The following KIF5C variants were observed in gnomAD, a reference collection of about 807,000 sequenced individuals.
KIF5C encodes the protein kinesin heavy chain isoform 5C.
A neutral mutation model predicts 125.2 loss-of-function variants in KIF5C; 18 were observed. That is an observed-to-expected ratio of 0.14 (90% CI 0.10 to 0.21). The LOEUF is 0.21. Ranked by LOEUF, KIF5C falls within the 10% of genes least tolerant of loss-of-function variation. KIF5C has a pLI of 1.00. For missense variants in KIF5C, 780 were observed against 1,183.8 expected (o/e 0.66, Z 5.01); for synonymous variants, 405 against 434.0 (o/e 0.93, Z 0.83).
At chr2:149,006,255 A>G (rs1682003781) in intron 22 of KIF5C, among the ~76,000 whole-genome samples, 2 of 152,166 alleles carry the variant, frequency 1.3e-5, no homozygotes, top group Admixed American at 1.3e-4. Flanking sequence ...GCCAAGGGAA[A>G]GAGGTCAAAT....
chr2:148,944,559 G>T (rs2105106505), intron 7 of KIF5C, among the ~76,000 whole-genome samples: 1 of 152,268 alleles, frequency 6.6e-6, no homozygotes, highest in South Asian at 2.1e-4. Flanking sequence ...CGCTTGGGTG[G>T]CTTCCACATT....
At position 148,990,994 on chromosome 2, in the gene KIF5C, C is replaced by T; in HGVS notation, c.1717-16C>T. 1 of 1,608,970 alleles carries T rather than the reference C, an allele frequency of 6.2e-7. No individual in the cohort carries two copies. Among genetic ancestry groups the T allele is most frequent in the Non-Finnish European group, 8.5e-7 (1 of 1,176,844 alleles). On this transcript the variant is annotated splice_polypyrimidine_tract_variant and intron_variant, in intron 15 of 25. Transcript: ENST00000435030. ...AATTGTGGGCAACATTTGAGTGTGTCCCCTTCTTTGCTCAGTTGGCAGATG... is the reference window on the plus strand; with the variant it reads ...AATTGTGGGCAACATTTGAGTGTGTTCCCTTCTTTGCTCAGTTGGCAGATG...
At position 148,962,067 on chromosome 2, in the gene KIF5C, T is replaced by C; in HGVS notation, c.1065T>C (p.Thr355=). 1.9e-6 allele frequency: 3 copies of C among 1,613,518 alleles called. No homozygotes were observed. Among genetic ancestry groups the C allele is most frequent in the Non-Finnish European group, 2.5e-6 (3 of 1,179,724 alleles). The part of the protein sequence containing the change: ...KYEKEKEKNK[T]LKNVIQHLEM... ...AAAAAGAGAAAGAGAAAAACAAGAC[T>C]TTGAAGAATGTTATCCAGCATCTGG... Residue 355 remains threonine (T), a synonymous_variant, in exon 11 of 26, where the codon ACT becomes ACC. Coordinates refer to ENST00000435030, the MANE Select transcript of KIF5C (RefSeq NM_004522.3).
At chr2:148,978,334 GTTTTTTTTTTTTT>G (rs71406035) in intron 12 of KIF5C, among the ~76,000 whole-genome samples, 69 of 78,664 alleles carry the variant, frequency 8.8e-4, no homozygotes, top group African/African-American at 2.5e-3. Flanking sequence ...CTGCCCTGAG[GTTTTTTTTTTTTT>G]TTTTTTTTTT....
chr2:148,932,675 G>A (rs1025612365), intron 3 of KIF5C, among the ~76,000 whole-genome samples: 10 of 152,212 alleles, frequency 6.6e-5, no homozygotes, highest in African/African-American at 2.4e-4. Flanking sequence ...ATAGATGGAT[G>A]GAGACACCTT....
At chr2:148,952,049 A>G (rs1033978042) in intron 10 of KIF5C, among the ~76,000 whole-genome samples, 1 of 152,158 alleles carries the variant, frequency 6.6e-6, no homozygotes, top group Non-Finnish European at 1.5e-5. Context: ...CTTCCTCCCA[A>G]ATCGCTTCCT....
chr2:149,009,211 T>C (rs1574835038), intron 23 of KIF5C, among the ~76,000 whole-genome samples: 1 of 152,014 alleles, frequency 6.6e-6, no homozygotes, highest in African/African-American at 2.4e-5. Context: ...AGGCTGGTCT[T>C]GAACCACTGA....
At chr2:148,983,516 T>C (rs2105161939) in intron 14 of KIF5C, 104 bp from the exon 15 acceptor site, 5 of 1,378,214 alleles carry the variant, frequency 3.6e-6, no homozygotes, top group Non-Finnish European at 3.8e-6. Context: ...GTTGAAGTCA[T>C]GTAAAAGAAA....
intron 1 of KIF5C, among the ~76,000 whole-genome samples, chr2:148,920,778 G>A (rs1333615710): frequency 6.6e-6 from 1 of 152,204 alleles, no homozygotes; most frequent in Admixed American, 6.5e-5. Context: ...GATGTAACAA[G>A]CCTTGCTCTT....
rs374547075 is a variant in KIF5C at position 148,962,341 on chromosome 2, AT to A, written c.1117+239del. ...CCACCACACCTGGCTAATTTTTGTA[AT>A]TTTTTTTTTTTTTTTTAGTAGAGAT... On this transcript the variant is annotated intron_variant, in intron 11 of 25. Coordinates refer to ENST00000435030, the MANE Select transcript of KIF5C (RefSeq NM_004522.3). Among the ~76,000 whole-genome samples the A allele has an allele frequency of 4.5e-3, 606 of 135,548 alleles. No homozygotes were observed. Among genetic ancestry groups the A allele is most frequent in the Middle Eastern group, 7.5e-3 (2 of 268 alleles). 88.9% of individuals were successfully genotyped at this position (135,548 alleles called of 152,430 possible).
At chr2:148,948,058 T>C (rs1295820558) in intron 8 of KIF5C, 3 of 455,754 alleles carry the variant, frequency 6.6e-6, no homozygotes, top group Non-Finnish European at 1.3e-5. Context: ...AAAATTTTAC[T>C]AGTATGGGGC....
chr2:149,025,702 T>C lies in KIF5C; in HGVS notation c.*2632T>C, dbSNP rs958498799. The C allele has an allele frequency of 6.6e-6, 1 of 152,262 alleles. No homozygotes were observed. The highest frequency in any genetic ancestry group is 6.5e-5 in the Admixed American group (1 of 15,284). 9.4% of individuals were successfully genotyped at this position (152,262 alleles called of 1,614,324 possible). A position where few individuals can be genotyped will look rare whatever the true frequency, so the allele number is the denominator to read the frequency against. Reference sequence around the variant, plus strand: ...AGAACAGCCAGATGGTTTATATGAATAATCTTTATCTGCAGGATGGTGGAT... The same window carrying C: ...AGAACAGCCAGATGGTTTATATGAACAATCTTTATCTGCAGGATGGTGGAT... On this transcript the variant is annotated 3_prime_UTR_variant, in exon 26 of 26. Coordinates refer to ENST00000435030, the MANE Select transcript of KIF5C (RefSeq NM_004522.3).
chr2:148,969,266 G>T (rs1680833081), intron 11 of KIF5C, among the ~76,000 whole-genome samples: 1 of 152,046 alleles, frequency 6.6e-6, no homozygotes, highest in South Asian at 2.1e-4. Flanking sequence ...ACGCCCTCTG[G>T]GAGTTTTTAT....
At chr2:148,930,530 T>C (rs554624718) in intron 3 of KIF5C, among the ~76,000 whole-genome samples, 2 of 152,152 alleles carry the variant, frequency 1.3e-5, no homozygotes, top group African/African-American at 2.4e-5. Context: ...TCATTTACGA[T>C]GCCCTCCTGG....
Position 148,934,919 on chromosome 2 carries a change from A to C in KIF5C, c.292-2365A>C, listed in dbSNP as rs143549953. The C allele has an allele frequency of 9.3e-4, 226 of 241,954 alleles. 1 individual carries two copies. The highest frequency in any genetic ancestry group is 5.0e-3 in the African/African-American group (213 of 42,732). The allele number at this position is 241,954 out of a possible 1,614,324, so 15.0% of individuals were successfully genotyped here. A position where few individuals can be genotyped will look rare whatever the true frequency, so the allele number is the denominator to read the frequency against. Reference sequence around the variant, plus strand: ...ACACACACACACACGTGCACACTCCACATGCCCCTACATCCTCCCCTGCGT... The same window carrying C: ...ACACACACACACACGTGCACACTCCCCATGCCCCTACATCCTCCCCTGCGT... On this transcript the variant is annotated intron_variant, in intron 3 of 25. Coordinates refer to ENST00000435030, the MANE Select transcript of KIF5C (RefSeq NM_004522.3).
chr2:148,989,622 T>C (rs1681473802), intron 15 of KIF5C, among the ~76,000 whole-genome samples: 1 of 152,264 alleles, frequency 6.6e-6, no homozygotes, highest in Non-Finnish European at 1.5e-5. Flanking sequence ...AAGCATTCCC[T>C]GTTCATCACT....
At position 148,941,949 on chromosome 2, in the gene KIF5C, T is replaced by C. The variant is rs776923833; in HGVS notation, c.460T>C (p.Leu154=). 2 of 1,612,324 alleles carry C rather than the reference T, an allele frequency of 1.2e-6. No individual in the cohort carries two copies. The highest frequency in any genetic ancestry group is 2.2e-5 in the East Asian group (1 of 44,816). Reference sequence around the variant, plus strand: ...CATCTTTTTAGTATCCAAGACCAACTTGGCTGTTCATGAAGATAAAAACAG... The same window carrying C: ...CATCTTTTTAGTATCCAAGACCAACCTGGCTGTTCATGAAGATAAAAACAG... ...RDLLDVSKTN[L]AVHEDKNRVP... is the part of the protein sequence containing the mutation. The change falls in exon 6 of 26, where the codon TTG becomes CTG. Residue 154 remains leucine, a synonymous_variant. Coordinates refer to ENST00000435030, the MANE Select transcript of KIF5C (RefSeq NM_004522.3).
chr2:148,946,691 G>T (rs1241577673), intron 7 of KIF5C, among the ~76,000 whole-genome samples: 1 of 152,136 alleles, frequency 6.6e-6, no homozygotes, highest in Non-Finnish European at 1.5e-5. Context: ...TAACTTCTTT[G>T]CTCCTTGAAG....
In KIF5C at chr2:149,025,051, C is replaced by T. The variant is rs1682650324; in HGVS notation, c.*1981C>T. 1 of 152,298 alleles carries T rather than the reference C, an allele frequency of 6.6e-6. No individual in the cohort carries two copies. Among genetic ancestry groups the T allele is most frequent in the South Asian group, 2.1e-4 (1 of 4,830 alleles). The allele number at this position is 152,298 out of a possible 1,614,324, so 9.4% of individuals were successfully genotyped here. ...CAAAGGTCAGTAATGGTTTTTGGCT[C>T]TTGTTAATATCCATCATAAAATAGA... On this transcript the variant is annotated 3_prime_UTR_variant, in exon 26 of 26. Coordinates refer to ENST00000435030, the MANE Select transcript of KIF5C (RefSeq NM_004522.3).
Sources: allele counts gnomAD v4.1 joint callset (sites outside exome capture counted in the v4.1 genomes callset), GRCh38; gene constraint gnomAD v4.1.1; transcripts MANE v1.5; gene names NCBI Gene and HGNC (gene_info 2026-07-23, HGNC 2026-07-21).